Variants in RBFOX1 observed in about 807,000 individuals in gnomAD.
RBFOX1 encodes RNA binding protein fox-1 homolog 1.
RBFOX1 carries 8 observed loss-of-function variants against 57.7 expected under a neutral mutation model. The ratio of observed to expected loss-of-function variants is 0.14; its 90% CI spans 0.08 to 0.25. RBFOX1 has a LOEUF of 0.25. Ranked by LOEUF, RBFOX1 falls within the 10% of genes least tolerant of loss-of-function variation. RBFOX1 has a pLI of 1.00. For synonymous variants in RBFOX1, 326 were observed against 222.4 expected (o/e 1.47, Z -4.15); for missense variants, 611 against 548.5 (o/e 1.11, Z -1.14).
At position 5,947,026 on chromosome 16, in the gene RBFOX1, A is replaced by T. The variant is rs1317833081; in HGVS notation, c.351+79691A>T. Among the ~76,000 whole-genome samples, 1 of 152,174 alleles carries T rather than the reference A, an allele frequency of 6.6e-6. No individual in the cohort carries two copies. Among genetic ancestry groups the T allele is most frequent in the Non-Finnish European group, 1.5e-5 (1 of 68,038 alleles). On this transcript the variant is annotated intron_variant, in intron 4 of 19. Transcript: ENST00000641259. This position sits in a 1 kb window ranked among gnomAD's most constrained non-coding sequence, Gnocchi z 7.2. ...CAGGAGTTTGAGACCAGCTCTAGCAATATAGTGACACCCCATCTGTACAAA... is the reference window on the plus strand; with the variant it reads ...CAGGAGTTTGAGACCAGCTCTAGCATTATAGTGACACCCCATCTGTACAAA...
At chr16:7,443,139 T>G (rs1567191985) in intron 4 of RBFOX1, among the ~76,000 whole-genome samples, 1 of 152,208 alleles carries the variant, frequency 6.6e-6, no homozygotes, top group Non-Finnish European at 1.5e-5. Flanking sequence ...ATGGAGATGT[T>G]TCTAATGTTT....
intron 5 of RBFOX1, among the ~76,000 whole-genome samples, chr16:7,577,618 C>G (rs1020615849): frequency 1.1e-4 from 17 of 152,232 alleles, no homozygotes; most frequent in African/African-American, 3.9e-4. Flanking sequence ...TTACCAGTCT[C>G]TGGGGATGGT....
At chr16:5,625,306 C>G (rs971268536) in intron 3 of RBFOX1, among the ~76,000 whole-genome samples, 2 of 152,028 alleles carry the variant, frequency 1.3e-5, no homozygotes, top group African/African-American at 4.8e-5. Flanking sequence ...GCAATGGAGT[C>G]TCTGAGGGTG....
intron 4 of RBFOX1, among the ~76,000 whole-genome samples, chr16:7,196,454 T>C (rs183999226): frequency 8.5e-5 from 13 of 152,270 alleles, no homozygotes; most frequent in Admixed American, 5.9e-4. Flanking sequence ...CCAACACTGA[T>C]AGTGTAGGTA....
At chr16:7,519,834 G>C in intron 5 of RBFOX1, 1 of 624,520 alleles carries the variant, frequency 1.6e-6, no homozygotes, top group Non-Finnish European at 2.0e-6. Flanking sequence ...GACTAACTTT[G>C]CTACTTGCCA....
intron 4 of RBFOX1, among the ~76,000 whole-genome samples, chr16:7,470,808 TAAAC>T (rs933529610): frequency 2.0e-4 from 30 of 152,062 alleles, no homozygotes; most frequent in Non-Finnish European, 4.3e-4. Flanking sequence ...CATGTGATGA[TAAAC>T]AAGAGTTCAG....
At chr16:6,830,727 T>C (rs977737939) in intron 3 of RBFOX1, among the ~76,000 whole-genome samples, 2 of 152,216 alleles carry the variant, frequency 1.3e-5, no homozygotes, top group Non-Finnish European at 2.9e-5. Context: ...GGTTAAAATA[T>C]GGTTCTCTAC....
At chr16:7,095,933 A>G (rs1274713966) in intron 4 of RBFOX1, among the ~76,000 whole-genome samples, 2 of 151,032 alleles carry the variant, frequency 1.3e-5, no homozygotes, top group African/African-American at 4.9e-5. Flanking sequence ...GAATGGCATG[A>G]ACCCAGGAGG....
intron 4 of RBFOX1, among the ~76,000 whole-genome samples, chr16:7,144,224 T>C (rs2152171192): frequency 6.6e-6 from 1 of 152,242 alleles, no homozygotes; most frequent in East Asian, 1.9e-4. Context: ...TTCCTCATTT[T>C]GAGGGGTCTT....
intron 2 of RBFOX1, among the ~76,000 whole-genome samples, chr16:6,517,875 A>C (rs914625444): frequency 6.6e-6 from 1 of 152,210 alleles, no homozygotes; most frequent in South Asian, 2.1e-4. Flanking sequence ...TAAATGTCTT[A>C]TAAAGTCTGG....
intron 4 of RBFOX1, among the ~76,000 whole-genome samples, chr16:5,989,880 A>ACACACACACACACCCC (rs33912010): frequency 7.9e-5 from 10 of 127,288 alleles, no homozygotes; most frequent in Admixed American, 6.5e-4. Context: ...ACACACACAC[A>ACACACACACACACCCC]CCACCCCTGT....
At chr16:5,923,212 G>A (rs1053848308) in intron 4 of RBFOX1, among the ~76,000 whole-genome samples, 1 of 152,096 alleles carries the variant, frequency 6.6e-6, no homozygotes, top group African/African-American at 2.4e-5. Flanking sequence ...AGACTTCCAG[G>A]GAAGAGATTT....
At chr16:6,079,810 T>A (rs891036564) in intron 1 of RBFOX1, among the ~76,000 whole-genome samples, 3 of 152,182 alleles carry the variant, frequency 2.0e-5, no homozygotes, top group Non-Finnish European at 4.4e-5. Flanking sequence ...CACTCCAGCC[T>A]GGGCAACAAA....
chr16:7,545,015 A>T (rs758480451), intron 5 of RBFOX1, among the ~76,000 whole-genome samples: 12 of 152,318 alleles, frequency 7.9e-5, no homozygotes, highest in Non-Finnish European at 1.6e-4. Flanking sequence ...GTGAGGACTA[A>T]GCCGAGCAGT....
intron 14 of RBFOX1, among the ~76,000 whole-genome samples, chr16:7,693,537 T>C (rs538190547): frequency 6.6e-6 from 1 of 151,558 alleles, no homozygotes; most frequent in Non-Finnish European, 1.5e-5. Context: ...GGCTCTGCCA[T>C]ATAAGACGAC....
chr16:7,590,611 GC>G (rs2152918783), intron 7 of RBFOX1, among the ~76,000 whole-genome samples: 1 of 152,142 alleles, frequency 6.6e-6, no homozygotes, highest in South Asian at 2.1e-4. Flanking sequence ...TGTAATCCCA[GC>G]ACTTTGGGAG....
At chr16:5,636,356 T>C (rs1456275346) in intron 3 of RBFOX1, among the ~76,000 whole-genome samples, 1 of 152,040 alleles carries the variant, frequency 6.6e-6, no homozygotes, top group Non-Finnish European at 1.5e-5. Context: ...CTCAAAAAAA[T>C]TAAATAAATA....
intron 3 of RBFOX1, among the ~76,000 whole-genome samples, chr16:6,878,851 A>T (rs2062351567): frequency 6.8e-6 from 1 of 146,960 alleles, no homozygotes; most frequent in Non-Finnish European, 1.5e-5. Context: ...AGTTTTAAGG[A>T]TCAGAGAGAA....
intron 1 of RBFOX1, among the ~76,000 whole-genome samples, chr16:6,134,867 T>G (rs1460906599): frequency 6.6e-6 from 1 of 151,940 alleles, no homozygotes; most frequent in Non-Finnish European, 1.5e-5. Flanking sequence ...TATTATACTT[T>G]AAGTTCTAGG....
Sources: allele counts gnomAD v4.1 joint callset (sites outside exome capture counted in the v4.1 genomes callset), GRCh38; gene constraint gnomAD v4.1.1; non-coding constraint Gnocchi (gnomAD v3.1); transcripts MANE v1.5; gene names NCBI Gene and HGNC (gene_info 2026-07-23, HGNC 2026-07-21).